SLFN12L: variants seen among roughly 807,000 people sequenced by gnomAD.
The protein encoded by SLFN12L is schlafen family member 12 like.
SLFN12L carries 34 observed loss-of-function variants against 34.8 expected under a neutral mutation model. The observed-to-expected ratio is 0.98, with a 90% CI of 0.74 to 1.30. SLFN12L has a LOEUF of 1.30. Ranked by LOEUF, SLFN12L falls within the 50% of genes most tolerant of loss-of-function variation. The pLI, the probability that SLFN12L is intolerant of heterozygous loss-of-function variation, is 0.00. For synonymous variants in SLFN12L, 259 were observed against 247.5 expected (o/e 1.05, Z -0.44); for missense variants, 703 against 696.2 (o/e 1.01, Z -0.11).
intron 2 of SLFN12L, chr17:35,499,280 C>T (rs565127988): frequency 1.1e-4 from 81 of 760,988 alleles, no homozygotes; most frequent in Non-Finnish European, 1.4e-4. Flanking sequence ...TAATTTTCCT[C>T]ATCATATAGC....
At chr17:35,478,288 T>C in intron 3 of SLFN12L, 103 bp from the exon 4 acceptor site, 1 of 682,202 alleles carries the variant, frequency 1.5e-6, no homozygotes, top group Non-Finnish European at 2.5e-6. Flanking sequence ...TTAGAACTGA[T>C]CCTGCATTCC....
At chr17:35,530,513 AAAAG>A (rs1278320407) in intron 1 of SLFN12L, among the ~76,000 whole-genome samples, 1,834 of 32,556 alleles carry the variant, frequency 0.056, 325 homozygotes, top group Admixed American at 0.12. Context: ...AGAAAGAAAG[AAAAG>A]AAAAGAAAAG....
Position 35,466,299 on chromosome 17 carries a change from CA to C in SLFN12L, c.*8623del, listed in dbSNP as rs1913718817. On this transcript the variant is annotated 3_prime_UTR_variant, in exon 5 of 5. Coordinates refer to ENST00000628453, the MANE Select transcript of SLFN12L (RefSeq NM_001363830.2). ...ATGGCCTTAAGAATCCTCTGTGGTT[CA>C]ACTATTCATTCCTCCCACTCCCTTA... Among the ~76,000 whole-genome samples the C allele has an allele frequency of 6.6e-6, 1 of 152,132 alleles. No homozygotes were observed. The highest frequency in any genetic ancestry group is 6.5e-5 in the Admixed American group (1 of 15,276).
intron 1 of SLFN12L, among the ~76,000 whole-genome samples, chr17:35,525,647 G>C (rs1567689570): frequency 6.6e-6 from 1 of 152,190 alleles, no homozygotes; most frequent in Non-Finnish European, 1.5e-5. Flanking sequence ...ATCCTTTACA[G>C]ACAAGAACAT....
chr17:35,522,336 C>T lies in SLFN12L; in HGVS notation c.29G>A (p.Cys10Tyr), dbSNP rs1026654624. MEKIRNVFHCEAHRILYICE... is the reference protein window; with the variant it reads MEKIRNVFHYEAHRILYICE... ...AATGTAGAGAATTCTGTGTGCCTCA[C>T]AGTGAAACACATTCCTGATCTTCTC... The change falls in exon 2 of 5, where the codon TGT becomes TAT. Residue 10 changes from cysteine to tyrosine, a missense_variant. Coordinates refer to ENST00000628453, the MANE Select transcript of SLFN12L (RefSeq NM_001363830.2). 4.3e-6 allele frequency: 7 copies of T among 1,614,194 alleles called. No homozygotes were observed. The highest frequency in any genetic ancestry group is 4.2e-6 in the Non-Finnish European group (5 of 1,180,032).
intron 1 of SLFN12L, among the ~76,000 whole-genome samples, chr17:35,530,436 GAAGGGAAGAAAGAAAGA>G (rs2072390130): frequency 1.1e-4 from 1 of 8,840 alleles, no homozygotes; most frequent in Non-Finnish European, 2.3e-4. Context: ...GAAGGGAAGG[GAAGGGAAGAAAGAAAGA>G]AAGAAAGAAA....
Position 35,465,065 on chromosome 17 carries a change from A to T in SLFN12L, c.*9858T>A, listed in dbSNP as rs1913700516. On this transcript the variant is annotated 3_prime_UTR_variant, in exon 5 of 5. Coordinates refer to ENST00000628453, the MANE Select transcript of SLFN12L (RefSeq NM_001363830.2). ...CTAATTTTTGTATTTTTTAGTAGAGATGAGGTTTCACTATATGTTCGCCAG... is the reference window on the plus strand; with the variant it reads ...CTAATTTTTGTATTTTTTAGTAGAGTTGAGGTTTCACTATATGTTCGCCAG... Among the ~76,000 whole-genome samples the T allele has an allele frequency of 6.6e-6, 1 of 152,112 alleles. No homozygotes were observed. The highest frequency in any genetic ancestry group is 6.5e-5 in the Admixed American group (1 of 15,282).
In SLFN12L at chr17:35,479,506, C is replaced by A; in HGVS notation, c.776G>T (p.Arg259Leu). The A allele has an allele frequency of 6.2e-7, 1 of 1,614,150 alleles. No individual in the cohort carries two copies. Among genetic ancestry groups the A allele is most frequent in the Non-Finnish European group, 8.5e-7 (1 of 1,180,026 alleles). Residue 259 changes from arginine to leucine, a missense_variant, in exon 3 of 5, where the codon CGA becomes CTA. Arg to Leu is a moderately radical substitution (Grantham distance 102, BLOSUM62 -2). Transcript: ENST00000628453. ...ATATTGAGGGAGAATCTCTGTAATT[C>A]GTTGTAACAACTTTTCAGTCGAGAA... The part of the protein sequence containing the change: ...KNFSTEKLLQ[R>L]ITEILPQYVS...
At chr17:35,485,892 G>C (rs1343381183) in intron 2 of SLFN12L, among the ~76,000 whole-genome samples, 1 of 152,156 alleles carries the variant, frequency 6.6e-6, no homozygotes, top group Non-Finnish European at 1.5e-5. Context: ...TTTGGTTACT[G>C]TAGCCTTGAA....
At chr17:35,478,322 G>A in intron 3 of SLFN12L, 137 bp from the exon 4 acceptor site, 2 of 559,414 alleles carry the variant, frequency 3.6e-6, no homozygotes, top group South Asian at 2.2e-5. Context: ...TAGATATTGT[G>A]GTTACATATT....
At chr17:35,512,943 G>T (rs1255549945) in intron 2 of SLFN12L, among the ~76,000 whole-genome samples, 1 of 151,832 alleles carries the variant, frequency 6.6e-6, no homozygotes, top group South Asian at 2.1e-4. Context: ...CTCTGGGCCC[G>T]TTCTTTCCCA....
In SLFN12L at chr17:35,474,697, G is replaced by GT. The variant is rs1555538124; in HGVS notation, c.*225_*226insA. On this transcript the variant is annotated 3_prime_UTR_variant, in exon 5 of 5. Coordinates refer to ENST00000628453, the MANE Select transcript of SLFN12L (RefSeq NM_001363830.2). ...AGCACTTTGGGAGACCGGGGGGGGG[G>GT]GTTGAATCACGAGGTCAGGAGTTCA... is the stretch of plus-strand genomic sequence containing the variant. 0.051 allele frequency: 18,154 copies of GT among 354,614 alleles called. 964 individuals carry two copies. The highest frequency in any genetic ancestry group is 0.18 in the East Asian group (3,336 of 18,780). The allele number at this position is 354,614 out of a possible 1,614,324, so 22.0% of individuals were successfully genotyped here.
At position 35,478,054 on chromosome 17, in the gene SLFN12L, C is replaced by T. The variant is rs780729919; in HGVS notation, c.1276+21G>A. On this transcript the variant is annotated intron_variant, in intron 4 of 4. Coordinates refer to ENST00000628453, the MANE Select transcript of SLFN12L (RefSeq NM_001363830.2). ...GAACACAGTTACACCAACAACTCCA[C>T]GGAAGCCAGAATTAAATTACCTGGA... The T allele has an allele frequency of 8.2e-6, 12 of 1,464,176 alleles. No homozygotes were observed. In the Admixed American group the frequency reaches 1.0e-4, roughly 12 times the overall value. The allele number at this position is 1,464,176 out of a possible 1,614,324, so 90.7% of individuals were successfully genotyped here.
rs1262713741 is a variant in SLFN12L at position 35,473,740 on chromosome 17, C to T, written c.*1183G>A. On this transcript the variant is annotated 3_prime_UTR_variant, in exon 5 of 5. Transcript: ENST00000628453. ...TTCAGTAGAAATGGTACCAGCTCCT[C>T]TTTGTACCTCTGGTAGAATTCAGCT... is the stretch of plus-strand genomic sequence containing the variant. 1 of 152,200 alleles carries T rather than the reference C, an allele frequency of 6.6e-6. No individual in the cohort carries two copies. The highest frequency in any genetic ancestry group is 1.5e-5 in the Non-Finnish European group (1 of 68,040). The allele number at this position is 152,200 out of a possible 1,614,324, so 9.4% of individuals were successfully genotyped here.
chr17:35,493,603 G>A (rs191143535), intron 2 of SLFN12L, among the ~76,000 whole-genome samples: 1 of 152,290 alleles, frequency 6.6e-6, no homozygotes, highest in East Asian at 1.9e-4. Flanking sequence ...ACATTAATTA[G>A]ATGTCCATAC....
At chr17:35,497,300 A>C (rs1915119780) in intron 2 of SLFN12L, among the ~76,000 whole-genome samples, 1 of 152,192 alleles carries the variant, frequency 6.6e-6, no homozygotes. Context: ...CTGAGGCAGG[A>C]GAATCGCTTG....
chr17:35,492,907 A>ATGG (rs1914892805), intron 2 of SLFN12L, among the ~76,000 whole-genome samples: 1 of 152,174 alleles, frequency 6.6e-6, no homozygotes, highest in Non-Finnish European at 1.5e-5. Context: ...TGGTAGGCAC[A>ATGG]TAGTAGGCAC....
intron 2 of SLFN12L, among the ~76,000 whole-genome samples, chr17:35,497,036 G>A (rs1391605316): frequency 1.3e-5 from 2 of 152,224 alleles, no homozygotes; most frequent in Non-Finnish European, 2.9e-5. Flanking sequence ...GGAGGCCAAA[G>A]CGGGAGGATT....
Position 35,508,255 on chromosome 17 carries a change from G to A in SLFN12L, c.86+14024C>T, listed in dbSNP as rs143291135. On this transcript the variant is annotated intron_variant, in intron 2 of 4. Coordinates refer to ENST00000628453, the MANE Select transcript of SLFN12L (RefSeq NM_001363830.2). ...TAAAAGGGACAGGAATTGCTCACTC[G>A]GGGAGCTCAGTTTTTGGAGACGTGA... 1.6e-4 allele frequency among the ~76,000 whole-genome samples: 25 copies of A among 152,292 alleles called. No homozygotes were observed. The East Asian group carries it at 2.3e-3, about 14-fold the overall frequency.
Sources: gnomAD v4.1 joint callset for allele counts (sites outside exome capture counted in the v4.1 genomes callset) on GRCh38, gnomAD v4.1.1 for gene constraint, MANE v1.5 for transcripts, NCBI Gene and HGNC (gene_info 2026-07-23, HGNC 2026-07-21) for gene names.